BIRC6: variants seen among roughly 807,000 people sequenced by gnomAD.
BIRC6 encodes the protein baculoviral IAP repeat containing 6, also known as dual E2 ubiquitin-conjugating enzyme/E3 ubiquitin-protein ligase BIRC6.
A neutral mutation model predicts 503.3 loss-of-function variants in BIRC6; 98 were observed. The observed-to-expected ratio is 0.19, with a 90% CI of 0.17 to 0.23. BIRC6 has a LOEUF of 0.23. Ranked by LOEUF, BIRC6 falls within the 10% of genes least tolerant of loss-of-function variation. BIRC6 has a pLI of 1.00. For synonymous variants in BIRC6, 2,240 were observed against 2,078.7 expected (o/e 1.08, Z -2.11); for missense variants, 5,360 against 5,806.0 (o/e 0.92, Z 2.50).
At chr2:32,510,741 G>GAT (rs2054301107) in intron 53 of BIRC6, 107 bp downstream of exon 53, 2 of 742,124 alleles carry the variant, frequency 2.7e-6, no homozygotes, top group Admixed American at 4.4e-5. Flanking sequence ...AGACAATACT[G>GAT]TGATATATTG....
Position 32,468,754 on chromosome 2 carries a change from C to A in BIRC6, c.6098C>A (p.Thr2033Asn). The change falls in exon 29 of 74, where the codon ACT becomes AAT. Residue 2033 changes from threonine (T) to asparagine (N), a missense_variant. This residue lies in a region of BIRC6 where 2,299 missense variants were observed against 2,267.2 expected (regional missense o/e 1.01). Coordinates refer to ENST00000421745, the MANE Select transcript of BIRC6 (RefSeq NM_016252.4). ...LRTIIRYLLD[T>N]LLSLLHASNG... ...ACTATCATCAGATATTTACTGGACA[C>A]TTTGCTCAGCCTGCTTCATGCTTCT... 6.2e-7 allele frequency: 1 copy of A among 1,605,142 alleles called. No homozygotes were observed. The highest frequency in any genetic ancestry group is 2.2e-5 in the East Asian group (1 of 44,674).
intron 66 of BIRC6, among the ~76,000 whole-genome samples, chr2:32,576,403 A>G (rs948265165): frequency 1.3e-5 from 2 of 152,168 alleles, no homozygotes; most frequent in African/African-American, 2.4e-5. Context: ...GGATCTGTTC[A>G]GTGACCTTTT....
chr2:32,476,997 T>A (rs930207415), intron 34 of BIRC6, among the ~76,000 whole-genome samples: 1 of 152,206 alleles, frequency 6.6e-6, no homozygotes, highest in African/African-American at 2.4e-5. Context: ...CTCGAATTAA[T>A]ATTTTGTACT....
intron 65 of BIRC6, among the ~76,000 whole-genome samples, chr2:32,555,537 C>T (rs2058714287): frequency 1.3e-5 from 2 of 152,038 alleles, no homozygotes. Flanking sequence ...ACTCAGGAGG[C>T]TGAGGCAGGA....
chr2:32,391,574 T>C (rs1351921525), intron 4 of BIRC6, among the ~76,000 whole-genome samples: 1 of 150,754 alleles, frequency 6.6e-6, no homozygotes, highest in Non-Finnish European at 1.5e-5. Flanking sequence ...TTTAGAAGAG[T>C]ATTTTCCTGT....
In BIRC6 at chr2:32,357,063, C is replaced by G; in HGVS notation, c.-99C>G. On this transcript the variant is annotated 5_prime_UTR_variant, in exon 1 of 74. Coordinates refer to ENST00000421745, the MANE Select transcript of BIRC6 (RefSeq NM_016252.4). This position sits in a 1 kb window ranked among gnomAD's most constrained non-coding sequence, Gnocchi z 4.9. The stretch of plus-strand genomic sequence containing the variant: ...TCCCCCTCTCCCGTCAGCCTCCCTC[C>G]GAGTTTGGCCCCTCCGGCCGGGCGA... 4 of 1,087,068 alleles carry G rather than the reference C, an allele frequency of 3.7e-6. No homozygotes were observed. Among genetic ancestry groups the G allele is most frequent in the Non-Finnish European group, 5.0e-6 (4 of 804,986 alleles). 67.3% of individuals were successfully genotyped at this position (1,087,068 alleles called of 1,614,324 possible).
At chr2:32,428,210 G>A (rs2043735107) in intron 10 of BIRC6, among the ~76,000 whole-genome samples, 1 of 152,098 alleles carries the variant, frequency 6.6e-6, no homozygotes, top group African/African-American at 2.4e-5. Flanking sequence ...TAATGGCTTC[G>A]GCTCCCTCTG....
At chr2:32,548,135 T>C in intron 64 of BIRC6, 121 bp downstream of exon 64, 2 of 804,112 alleles carry the variant, frequency 2.5e-6, no homozygotes, top group Non-Finnish European at 3.6e-6. Context: ...GTGGTCCTTC[T>C]TCCCAGTGCA....
chr2:32,435,365 C>T, intron 13 of BIRC6, 131 bp from the exon 14 acceptor site: 1 of 1,008,184 alleles, frequency 9.9e-7, no homozygotes, highest in East Asian at 3.0e-5. Context: ...CACAGAAGTT[C>T]CCAAGTTAAC....
At chr2:32,601,513 G>A (rs555206473) in intron 70 of BIRC6, among the ~76,000 whole-genome samples, 4 of 152,308 alleles carry the variant, frequency 2.6e-5, no homozygotes, top group East Asian at 1.9e-4. Context: ...CCCGGGAGGC[G>A]GAGGTTGCGG....
chr2:32,444,432 C>T (rs1252332260), intron 20 of BIRC6, among the ~76,000 whole-genome samples: 1 of 152,144 alleles, frequency 6.6e-6, no homozygotes, highest in Non-Finnish European at 1.5e-5. Context: ...ATTCATAAAG[C>T]AGTTCTCTAA....
chr2:32,467,777 A>G (rs758468523), intron 27 of BIRC6, 38 bp downstream of exon 27: 49 of 1,542,156 alleles, frequency 3.2e-5, no homozygotes, highest in South Asian at 1.2e-4. Flanking sequence ...TACGCTTTCT[A>G]TGTTTCTGAC....
At position 32,430,882 on chromosome 2, in the gene BIRC6, G is replaced by C; in HGVS notation, c.3040G>C (p.Asp1014His). Residue 1014 changes from aspartate (D) to histidine (H), a missense_variant, in exon 12 of 74, where the codon GAC (aspartate) becomes CAC (histidine). Coordinates refer to ENST00000421745, the MANE Select transcript of BIRC6 (RefSeq NM_016252.4). ...PGISGVDLLV[D>H]QPFTLEILTS... ...ATGTTAAGGAGTTGATTTATTGGTG[G>C]ACCAGCCATTCACCCTTGAAATCTT... The C allele has an allele frequency of 6.2e-7, 1 of 1,602,346 alleles. No homozygotes were observed. Among genetic ancestry groups the C allele is most frequent in the Non-Finnish European group, 8.5e-7 (1 of 1,174,116 alleles).
At chr2:32,400,727 C>T (rs963540140) in intron 6 of BIRC6, among the ~76,000 whole-genome samples, 9 of 152,052 alleles carry the variant, frequency 5.9e-5, no homozygotes, top group African/African-American at 1.9e-4. Flanking sequence ...TGGCATTTAT[C>T]GAGTTTCAGC....
chr2:32,505,249 A>G, intron 50 of BIRC6, 44 bp downstream of exon 50: 3 of 1,432,326 alleles, frequency 2.1e-6, no homozygotes, highest in South Asian at 1.2e-5. Context: ...ACAAGCTTTA[A>G]TTTAGAAATA....
intron 10 of BIRC6, among the ~76,000 whole-genome samples, chr2:32,426,762 G>T (rs771802232): frequency 4.6e-5 from 7 of 152,152 alleles, no homozygotes; most frequent in Admixed American, 3.9e-4. Flanking sequence ...ATTTGATGTT[G>T]CTTTCCTTCC....
chr2:32,487,688 G>A lies in BIRC6; in HGVS notation c.7855G>A (p.Gly2619Ser). Residue 2619 changes from glycine to serine, a missense_variant, in exon 41 of 74, where the codon GGT (glycine) becomes AGT (serine). Transcript: ENST00000421745. ...TGGAACAGATGATTCACTTCTAGGG[G>A]GTTTACAAGCAGCAAACCAAACCAG... The part of the protein sequence containing the change: ...PTGTDDSLLG[G>S]LQAANQTSQL... 2 of 1,613,616 alleles carry A rather than the reference G, an allele frequency of 1.2e-6. No individual in the cohort carries two copies. Among genetic ancestry groups the A allele is most frequent in the Non-Finnish European group, 1.7e-6 (2 of 1,179,720 alleles).
intron 49 of BIRC6, among the ~76,000 whole-genome samples, chr2:32,504,503 T>TAAAAATACA (rs1230919872): frequency 2.6e-5 from 4 of 151,678 alleles, no homozygotes; most frequent in African/African-American, 7.3e-5. Flanking sequence ...CCGTCTCTAC[T>TAAAAATACA]AAAAATACAA....
chr2:32,602,963 G>A (rs1483709285), intron 70 of BIRC6, 43 bp from the exon 71 acceptor site: 1 of 1,523,406 alleles, frequency 6.6e-7, no homozygotes, highest in Non-Finnish European at 8.9e-7. Context: ...TTGTTTTTAA[G>A]CACTCTTTTT....
Sources: gnomAD v4.1 joint callset for allele counts (sites outside exome capture counted in the v4.1 genomes callset) on GRCh38, gnomAD v4.1.1 for gene constraint, gnomAD v4.1.1 regional missense constraint, Gnocchi (gnomAD v3.1) non-coding constraint, MANE v1.5 for transcripts, NCBI Gene and HGNC (gene_info 2026-07-23, HGNC 2026-07-21) for gene names.